The following KCNAB2 variants were observed in gnomAD, a reference collection of about 807,000 sequenced individuals.
KCNAB2 encodes the protein potassium voltage-gated channel subfamily A regulatory beta subunit 2, also known as voltage-gated potassium channel subunit beta-2.
Under a neutral mutation model 63.6 loss-of-function variants are expected in KCNAB2, and 29 were observed. The ratio of observed to expected loss-of-function variants is 0.46; its 90% CI spans 0.34 to 0.62. The LOEUF is 0.62. Among genes scored for constraint, KCNAB2 ranks in the 20% least tolerant of loss-of-function variants. The pLI is 0.01. For synonymous variants in KCNAB2, 222 were observed against 224.2 expected (o/e 0.99, Z 0.09); for missense variants, 359 against 563.9 (o/e 0.64, Z 3.68).
At chr1:6,095,693 C>T (rs1665561752) in intron 13 of KCNAB2, 69 bp downstream of exon 13, 2 of 1,444,032 alleles carry the variant, frequency 1.4e-6, no homozygotes, top group South Asian at 1.1e-5. Flanking sequence ...GACCTTTGGG[C>T]CGACTGCTTT....
At chr1:6,054,202 A>AGT (rs758679277) in intron 2 of KCNAB2, among the ~76,000 whole-genome samples, 9 of 152,098 alleles carry the variant, frequency 5.9e-5, no homozygotes, top group Non-Finnish European at 1.0e-4. Context: ...GGTGATAGAG[A>AGT]GTGGAGTGAC....
chr1:5,993,277 T>G (rs1376421920), intron 1 of KCNAB2, among the ~76,000 whole-genome samples: 1 of 151,798 alleles, frequency 6.6e-6, no homozygotes, highest in East Asian at 1.9e-4. Flanking sequence ...CCTGTCCCTG[T>G]GTCGCTCCGG....
intron 1 of KCNAB2, among the ~76,000 whole-genome samples, chr1:6,020,883 C>T (rs1419145112): frequency 6.6e-6 from 1 of 151,882 alleles, no homozygotes; most frequent in Admixed American, 6.6e-5. Flanking sequence ...TGGTCTCGAA[C>T]TCCTGACCTC....
At chr1:6,016,471 G>A (rs1013334717) in intron 1 of KCNAB2, among the ~76,000 whole-genome samples, 1 of 152,254 alleles carries the variant, frequency 6.6e-6, no homozygotes, top group Non-Finnish European at 1.5e-5. Flanking sequence ...TTTCAAGACA[G>A]AGCATCCTTT....
upstream of KCNAB2, among the ~76,000 whole-genome samples, chr1:6,034,080 C>T (rs1659842364): frequency 6.6e-6 from 1 of 152,230 alleles, no homozygotes; most frequent in South Asian, 2.1e-4. Context: ...ATCCCAGGGC[C>T]ACCCAGCTTA....
At chr1:6,059,658 G>T (rs1308326115) in intron 2 of KCNAB2, among the ~76,000 whole-genome samples, 2 of 152,174 alleles carry the variant, frequency 1.3e-5, no homozygotes, top group African/African-American at 4.8e-5. Context: ...GACAGAAGGA[G>T]GAAGAGAAAG....
intron 1 of KCNAB2, among the ~76,000 whole-genome samples, chr1:6,010,388 A>C (rs536408222): frequency 6.6e-6 from 1 of 152,276 alleles, no homozygotes; most frequent in South Asian, 2.1e-4. Context: ...TGAACCCGAG[A>C]GTTCAAGTTC....
intron 1 of KCNAB2, among the ~76,000 whole-genome samples, chr1:6,014,659 G>T (rs1658380321): frequency 6.6e-6 from 1 of 152,210 alleles, no homozygotes; most frequent in African/African-American, 2.4e-5. Flanking sequence ...CAGAGAAGAT[G>T]AACCTGATGC....
At chr1:6,056,291 C>A (rs966013629) in intron 2 of KCNAB2, among the ~76,000 whole-genome samples, 1 of 152,062 alleles carries the variant, frequency 6.6e-6, no homozygotes, top group East Asian at 1.9e-4. Flanking sequence ...GTGACCCACT[C>A]GCCTCGGCCT....
intron 1 of KCNAB2, among the ~76,000 whole-genome samples, chr1:6,036,770 G>A (rs1447228034): frequency 6.6e-6 from 1 of 152,076 alleles, no homozygotes; most frequent in Non-Finnish European, 1.5e-5. Flanking sequence ...TGTTTTCTCA[G>A]GGGTCTGGGA....
At chr1:6,041,702 G>T (rs1049642296), upstream of KCNAB2, 1 of 778,992 alleles carries the variant, frequency 1.3e-6, no homozygotes, top group Admixed American at 2.1e-5. Flanking sequence ...CAGGCGACTG[G>T]TGGGGGCCCG....
intron 8 of KCNAB2, among the ~76,000 whole-genome samples, chr1:6,090,036 G>A (rs549700725): frequency 1.3e-5 from 2 of 152,340 alleles, no homozygotes; most frequent in South Asian, 2.1e-4. Context: ...ACGGGCAGCA[G>A]GTGTAGCCCT....
intron 1 of KCNAB2, 129 bp from the exon 2 acceptor site, chr1:6,051,380 GAC>G: frequency 1.8e-6 from 2 of 1,130,340 alleles, no homozygotes. Context: ...CCCACTCCTA[GAC>G]ACCAAGACCT....
chr1:6,081,238 C>T (rs1049524406), intron 4 of KCNAB2, among the ~76,000 whole-genome samples: 4 of 152,222 alleles, frequency 2.6e-5, no homozygotes, highest in East Asian at 1.9e-4. Context: ...ACAGCAGTGC[C>T]GCTCAGGGCC....
At chr1:6,053,443 C>T (rs920029862) in intron 2 of KCNAB2, among the ~76,000 whole-genome samples, 11 of 152,004 alleles carry the variant, frequency 7.2e-5, no homozygotes, top group African/African-American at 1.2e-4. Flanking sequence ...GACCACTGGC[C>T]GAGGCAGCAA....
chr1:6,092,868 C>T (rs2100775260), intron 10 of KCNAB2, among the ~76,000 whole-genome samples: 1 of 152,326 alleles, frequency 6.6e-6, no homozygotes, highest in Non-Finnish European at 1.5e-5. Context: ...GGCCTGCAAG[C>T]GTGGAAGCCA....
chr1:6,021,765 ATGGTATTGAGTGTACAGTTCAG>A (rs1658836571), intron 1 of KCNAB2, among the ~76,000 whole-genome samples: 6 of 104,408 alleles, frequency 5.7e-5, no homozygotes, highest in South Asian at 3.7e-4. Context: ...GTACAGTTCA[ATGGTATTGAGTGTACAGTTCAG>A]TGGTATTGAG....
chr1:6,040,705 G>A (rs1455091189), intron 2 of KCNAB2: 2 of 1,089,020 alleles, frequency 1.8e-6, no homozygotes, highest in South Asian at 2.5e-5. Context: ...TCGAGGACGG[G>A]TTCCCAAGGC....
intron 1 of KCNAB2, among the ~76,000 whole-genome samples, chr1:6,047,501 G>T (rs1205486117): frequency 6.6e-6 from 1 of 152,182 alleles, no homozygotes; most frequent in Non-Finnish European, 1.5e-5. Flanking sequence ...GCTGTACAGA[G>T]TCCTGGCATG....
Sources: gnomAD v4.1 joint callset for allele counts (sites outside exome capture counted in the v4.1 genomes callset) on GRCh38, gnomAD v4.1.1 for gene constraint, MANE v1.5 for transcripts, NCBI Gene and HGNC (gene_info 2026-07-23, HGNC 2026-07-21) for gene names.